The following DTX2 variants were observed in gnomAD, a reference collection of about 807,000 sequenced individuals.
The protein encoded by DTX2 is probable E3 ubiquitin-protein ligase DTX2.
A neutral mutation model predicts 55.3 loss-of-function variants in DTX2; 29 were observed. The observed-to-expected ratio is 0.52, with a 90% CI of 0.39 to 0.71. The LOEUF is 0.71. Among genes scored for constraint, DTX2 ranks in the 30% least tolerant of loss-of-function variants. The pLI is 0.00. For synonymous variants in DTX2, 276 were observed against 340.4 expected (o/e 0.81, Z 2.08); for missense variants, 537 against 822.5 (o/e 0.65, Z 4.25).
At chr7:76,469,333 G>A (rs1312185874) in intron 2 of DTX2, among the ~76,000 whole-genome samples, 1 of 108,808 alleles carries the variant, frequency 9.2e-6, no homozygotes, top group East Asian at 2.7e-4. Context: ...CATCTTTCCT[G>A]ATTTTCAAGG....
chr7:76,501,135 G>C (rs1256195265), intron 7 of DTX2: 17 of 381,862 alleles, frequency 4.5e-5, no homozygotes, highest in South Asian at 1.4e-4. Flanking sequence ...GGGAGCCCTG[G>C]AGATACTGTT....
At chr7:76,475,765 A>C in intron 2 of DTX2, among the ~76,000 whole-genome samples, 1 of 141,024 alleles carries the variant, frequency 7.1e-6, no homozygotes, top group Non-Finnish European at 1.5e-5. Flanking sequence ...CAGACTTTTA[A>C]TTTTTAATTA....
intron 2 of DTX2, among the ~76,000 whole-genome samples, chr7:76,468,145 G>A (rs1414652581): frequency 6.6e-6 from 1 of 152,300 alleles, no homozygotes; most frequent in African/African-American, 2.4e-5. Flanking sequence ...CGCCCGGTGT[G>A]GCTCTGGGGA....
At chr7:76,486,627 T>G (rs1350436376) in intron 4 of DTX2, among the ~76,000 whole-genome samples, 1 of 119,522 alleles carries the variant, frequency 8.4e-6, no homozygotes, top group East Asian at 3.0e-4. Context: ...TTAATGATGT[T>G]GGATGGAAAT....
intron 5 of DTX2, among the ~76,000 whole-genome samples, chr7:76,494,924 A>G (rs910257087): frequency 2.0e-5 from 2 of 102,022 alleles, no homozygotes; most frequent in African/African-American, 7.7e-5. Context: ...GAATTATACC[A>G]TGCCCGGCTG....
chr7:76,501,555 G>C (rs1478886120), intron 7 of DTX2, among the ~76,000 whole-genome samples: 2 of 151,370 alleles, frequency 1.3e-5, no homozygotes, highest in Non-Finnish European at 2.9e-5. Context: ...CCAAGCCCCT[G>C]AGTGTGGCAG....
intron 5 of DTX2, among the ~76,000 whole-genome samples, chr7:76,495,840 G>C (rs1055040840): frequency 6.7e-6 from 1 of 149,866 alleles, no homozygotes; most frequent in Non-Finnish European, 1.5e-5. Context: ...AGGCCTGCCC[G>C]CTGAGGCAGT....
At chr7:76,503,334 A>T in intron 8 of DTX2, 92 bp from the exon 9 acceptor site, 1 of 1,429,824 alleles carries the variant, frequency 7.0e-7, no homozygotes, top group Non-Finnish European at 9.4e-7. Flanking sequence ...TGGCCAGCCC[A>T]TTCCCGGGGC....
intron 3 of DTX2, 22 bp from the exon 4 acceptor site, chr7:76,482,485 CT>C: frequency 6.4e-7 from 1 of 1,557,830 alleles, no homozygotes; most frequent in Non-Finnish European, 8.7e-7. Flanking sequence ...GCAGACTAAC[CT>C]TTTGTTTTCC....
At position 76,496,378 on chromosome 7, in the gene DTX2, T is replaced by C. The variant is rs1416682038; in HGVS notation, c.1010-959T>C. On this transcript the variant is annotated intron_variant, in intron 5 of 10. Transcript: ENST00000430490. ...CCGGCAGCCGGCTGTGCCCAGCTCCTGAGCCAGGTTCTGCAGACCCTGGAA... is the reference window on the plus strand; with the variant it reads ...CCGGCAGCCGGCTGTGCCCAGCTCCCGAGCCAGGTTCTGCAGACCCTGGAA... Among the ~76,000 whole-genome samples the C allele has an allele frequency of 1.1e-4, 9 of 84,556 alleles. 3 individuals are homozygous for C. The highest frequency in any genetic ancestry group is 5.6e-4 in the African/African-American group (9 of 16,120). The allele number at this position is 84,556 out of a possible 152,430, so 55.5% of individuals were successfully genotyped here.
intron 3 of DTX2, among the ~76,000 whole-genome samples, chr7:76,481,189 CT>C (rs11320055): frequency 0.53 from 76,852 of 143,770 alleles, 20,591 homozygotes; most frequent in African/African-American, 0.62. Context: ...GTGTTTTGAT[CT>C]TTTTTTTTTT....
At chr7:76,474,218 CTTTTCT>C (rs1808280132) in intron 2 of DTX2, among the ~76,000 whole-genome samples, 1 of 119,676 alleles carries the variant, frequency 8.4e-6, no homozygotes, top group Admixed American at 9.2e-5. Context: ...TTCTTTCTTT[CTTTTCT>C]TTTTTTTTTT....
chr7:76,471,307 A>G (rs1199955475), intron 2 of DTX2, among the ~76,000 whole-genome samples: 2 of 146,748 alleles, frequency 1.4e-5, no homozygotes, highest in Non-Finnish European at 1.5e-5. Flanking sequence ...GACTACAGGC[A>G]CCCGCCACCG....
intron 2 of DTX2, chr7:76,474,889 C>G (rs1262300180): frequency 6.6e-6 from 1 of 152,134 alleles, no homozygotes; most frequent in Non-Finnish European, 1.5e-5. Flanking sequence ...CAGCAGCATT[C>G]CATGGTGCCT....
At chr7:76,501,239 G>A in intron 7 of DTX2, 3 of 455,608 alleles carry the variant, frequency 6.6e-6, no homozygotes, top group South Asian at 4.6e-5. Context: ...CCAGTACCCA[G>A]GGACTCTTCA....
rs754597098 is a variant in DTX2 at position 76,480,533 on chromosome 7, C to T, written c.24C>T (p.Ser8=). 2 of 1,608,398 alleles carry T rather than the reference C, an allele frequency of 1.2e-6. No individual in the cohort carries two copies. The highest frequency in any genetic ancestry group is 1.7e-5 in the Admixed American group (1 of 59,664). ...AGATGGCCATGGCCCCAAGCCCTTC[C>T]CTGGTGCAGGTGTACACCAGCCCCG... is the stretch of plus-strand genomic sequence containing the variant. MAMAPSP[S]LVQVYTSPAA... Residue 8 remains serine, a synonymous_variant, in exon 3 of 11, where the codon TCC becomes TCT. Transcript: ENST00000430490.
At position 76,505,907 on chromosome 7, in the gene DTX2, A is replaced by G; in HGVS notation, c.*306A>G. 1 of 538,162 alleles carries G rather than the reference A, an allele frequency of 1.9e-6. No individual in the cohort carries two copies. The highest frequency in any genetic ancestry group is 2.3e-5 in the South Asian group (1 of 44,430). The allele number at this position is 538,162 out of a possible 1,614,324, so 33.3% of individuals were successfully genotyped here. On this transcript the variant is annotated 3_prime_UTR_variant, in exon 11 of 11. Transcript: ENST00000430490. The surrounding 1 kb of genome is among the most constrained non-coding windows in gnomAD (Gnocchi z 4.4). ...TCGGGGCCTGGTGTGGGGCGAGTAG[A>G]GACTTCCCCAGCCTGGACGGGCGTG... is the stretch of plus-strand genomic sequence containing the variant.
At chr7:76,503,270 A>G in intron 8 of DTX2, 156 bp from the exon 9 acceptor site, 5 of 744,582 alleles carry the variant, frequency 6.7e-6, no homozygotes, top group South Asian at 4.2e-5. Context: ...TTTCCAGGGA[A>G]GCTGTTGGAA....
chr7:76,480,808 T>G (rs1348166851), intron 3 of DTX2, 31 bp downstream of exon 3: 1 of 1,551,306 alleles, frequency 6.4e-7, no homozygotes, highest in African/African-American at 1.4e-5. Flanking sequence ...CGCACATATC[T>G]GGGTGCCGCA....
Sources: gnomAD v4.1 joint callset for allele counts (sites outside exome capture counted in the v4.1 genomes callset) on GRCh38, gnomAD v4.1.1 for gene constraint, Gnocchi (gnomAD v3.1) non-coding constraint, MANE v1.5 for transcripts, NCBI Gene and HGNC (gene_info 2026-07-23, HGNC 2026-07-21) for gene names.